Variants in PCDHGB4 observed in about 807,000 individuals in gnomAD.
The protein encoded by PCDHGB4 is protocadherin gamma-B4.
Under a neutral mutation model 60.5 loss-of-function variants are expected in PCDHGB4, and 38 were observed. The observed-to-expected ratio is 0.63, with a 90% CI of 0.48 to 0.82. The LOEUF is 0.82. PCDHGB4 is among the 40% of genes least tolerant of loss of function. The pLI, the probability that PCDHGB4 is intolerant of heterozygous loss-of-function variation, is 0.00. For synonymous variants in PCDHGB4, 456 were observed against 509.7 expected (o/e 0.89, Z 1.42); for missense variants, 1,109 against 1,209.6 (o/e 0.92, Z 1.23).
Position 141,487,193 on chromosome 5 carries a change from C to T in PCDHGB4, c.2398-7614C>T. 6.2e-7 allele frequency: 1 copy of T among 1,613,784 alleles called. No individual in the cohort carries two copies. Among genetic ancestry groups the T allele is most frequent in the Non-Finnish European group, 8.5e-7 (1 of 1,179,724 alleles). On this transcript the variant is annotated intron_variant, in intron 1 of 3. Transcript: ENST00000519479. The surrounding 1 kb of genome is among the most constrained non-coding windows in gnomAD (Gnocchi z 5.0). ...AGAGGAAGACACTCATCCAGTTGTC[C>T]CAGATCTTCGAGAATCTTCAGCTCC...
At chr5:141,423,800 T>A in intron 1 of PCDHGB4, 2 of 895,132 alleles carry the variant, frequency 2.2e-6, no homozygotes, top group Non-Finnish European at 2.9e-6. Flanking sequence ...TTTAGAGCAA[T>A]ACATGTGAGT....
At chr5:141,433,085 G>A in intron 1 of PCDHGB4, 1 of 1,614,170 alleles carries the variant, frequency 6.2e-7, no homozygotes, top group Non-Finnish European at 8.5e-7. Flanking sequence ...GCCCAACTAT[G>A]CAGACATGCT....
Position 141,512,171 on chromosome 5 carries a change from T to C in PCDHGB4, c.*998T>C, listed in dbSNP as rs140884268. ...GGGCTGAGCTAACAGGACCAATGGA[T>C]TAAACTGGCATTTCAGTCCAAGGAA... On this transcript the variant is annotated 3_prime_UTR_variant, in exon 4 of 4. Transcript: ENST00000519479. 584 of 152,796 alleles carry C rather than the reference T, an allele frequency of 3.8e-3. 5 individuals carry two copies. The highest frequency in any genetic ancestry group is 0.011 in the Admixed American group (167 of 15,298). The allele number at this position is 152,796 out of a possible 1,614,324, so 9.5% of individuals were successfully genotyped here. A position where few individuals can be genotyped will look rare whatever the true frequency, so the allele number is the denominator to read the frequency against.
chr5:141,394,196 C>T, intron 1 of PCDHGB4: 1 of 1,613,910 alleles, frequency 6.2e-7, no homozygotes, highest in Non-Finnish European at 8.5e-7. Flanking sequence ...CAGCGTATAT[C>T]CTAGAGAACA....
rs543209695 is a variant in PCDHGB4 at position 141,431,563 on chromosome 5, C to T, written c.2397+41282C>T. 24 of 1,614,026 alleles carry T rather than the reference C, an allele frequency of 1.5e-5. No individual in the cohort carries two copies. Among genetic ancestry groups the T allele is most frequent in the Non-Finnish European group, 1.9e-5 (23 of 1,180,046 alleles). ...AGCTGCTTGTAGTCAACGCTACCGA[C>T]CCTGACGAAGGAGTCAATGCGGAAG... On this transcript the variant is annotated intron_variant, in intron 1 of 3. Transcript: ENST00000519479. The surrounding 1 kb of genome is among the most constrained non-coding windows in gnomAD (Gnocchi z 4.8).
At chr5:141,417,700 A>G in intron 1 of PCDHGB4, 1 of 1,180,094 alleles carries the variant, frequency 8.5e-7, no homozygotes, top group Admixed American at 3.0e-5. Flanking sequence ...ACCAGCTCCC[A>G]CACAGAGGCT....
intron 1 of PCDHGB4, among the ~76,000 whole-genome samples, chr5:141,401,114 CG>C (rs566829189): frequency 5.5e-4 from 84 of 152,224 alleles, no homozygotes; most frequent in African/African-American, 2.0e-3. Context: ...GAGGCCGAGG[CG>C]GTTGGATCAC....
rs1206984031 is a variant in PCDHGB4 at position 141,390,260 on chromosome 5, C to T, written c.2376C>T (p.Ser792=). ...GGGCCTTATTTCCACTTTGTAATTC[C>T]AGTGAATTGACTTCCCATCAGGTGA... ...SSGALFPLCN[S]SELTSHQQAP... The change falls in exon 1 of 4, where the codon TCC becomes TCT. Residue 792 remains serine, a synonymous_variant. Transcript: ENST00000519479. The T allele has an allele frequency of 6.2e-7, 1 of 1,614,002 alleles. No homozygotes were observed. The highest frequency in any genetic ancestry group is 8.5e-7 in the Non-Finnish European group (1 of 1,179,886).
At chr5:141,392,819 C>A (rs1346235587) in intron 1 of PCDHGB4, 7 of 1,590,376 alleles carry the variant, frequency 4.4e-6, no homozygotes, top group Non-Finnish European at 6.0e-6. Context: ...CAACAATGGC[C>A]GCTCCACAGA....
chr5:141,498,967 GGGAGGGAAGGAAGGAA>G (rs1333462541), intron 2 of PCDHGB4, among the ~76,000 whole-genome samples: 8 of 129,672 alleles, frequency 6.2e-5, no homozygotes, highest in East Asian at 2.2e-4. Context: ...GAGGGAGGGA[GGGAGGGAAGGAAGGAA>G]GGAAGGAAGG....
chr5:141,450,568 C>A (rs2098685790), intron 1 of PCDHGB4, among the ~76,000 whole-genome samples: 1 of 152,002 alleles, frequency 6.6e-6, no homozygotes. Flanking sequence ...CTCACTGCAA[C>A]TTCTGCCTCC....
intron 1 of PCDHGB4, among the ~76,000 whole-genome samples, chr5:141,484,211 G>A (rs1362875959): frequency 6.6e-6 from 1 of 152,158 alleles, no homozygotes; most frequent in Non-Finnish European, 1.5e-5. Context: ...ATGAACATTA[G>A]CATTCTGCCA....
chr5:141,450,829 A>ATTT (rs373424450), intron 1 of PCDHGB4, among the ~76,000 whole-genome samples: 12,063 of 134,876 alleles, frequency 0.089, 619 homozygotes, highest in African/African-American at 0.14. Flanking sequence ...TATTATTATT[A>ATTT]TTTTTTTTTT....
intron 1 of PCDHGB4, chr5:141,424,576 C>CA (rs2096829154): frequency 6.6e-6 from 1 of 152,132 alleles, no homozygotes; most frequent in African/African-American, 2.4e-5. Context: ...AACCTATTTT[C>CA]AAATGTGCTA....
chr5:141,502,634 T>C (rs1306951640), intron 2 of PCDHGB4, among the ~76,000 whole-genome samples: 1 of 152,228 alleles, frequency 6.6e-6, no homozygotes. Flanking sequence ...CTGTGGATGA[T>C]ACTTTGAGAT....
chr5:141,418,424 G>A lies in PCDHGB4; in HGVS notation c.2397+28143G>A, dbSNP rs1427064246. Reference sequence around the variant, plus strand: ...GGTGGAGAAAGACAATCCTGATGGTGGCAAATATCCAGAATTAGTATTGCA... The same window carrying A: ...GGTGGAGAAAGACAATCCTGATGGTAGCAAATATCCAGAATTAGTATTGCA... On this transcript the variant is annotated intron_variant, in intron 1 of 3. Coordinates refer to ENST00000519479, the MANE Select transcript of PCDHGB4 (RefSeq NM_003736.4). 1 of 1,613,974 alleles carries A rather than the reference G, an allele frequency of 6.2e-7. No individual in the cohort carries two copies. Among genetic ancestry groups the A allele is most frequent in the Non-Finnish European group, 8.5e-7 (1 of 1,179,872 alleles).
At chr5:141,394,552 G>T (rs368792885) in intron 1 of PCDHGB4, 4 of 1,614,070 alleles carry the variant, frequency 2.5e-6, no homozygotes, top group East Asian at 4.5e-5. Flanking sequence ...CTGGCGCCCC[G>T]CTCCGCAGAG....
chr5:141,432,763 C>T lies in PCDHGB4; in HGVS notation c.2397+42482C>T. The T allele has an allele frequency of 6.2e-7, 1 of 1,614,152 alleles. No homozygotes were observed. The highest frequency in any genetic ancestry group is 8.5e-7 in the Non-Finnish European group (1 of 1,180,004). ...TCACCGTGGCCGTGGCCGACAGCAT[C>T]CCCCAAGTCCTGGCGGACCTCGGCA... On this transcript the variant is annotated intron_variant, in intron 1 of 3. Transcript: ENST00000519479. This position sits in a 1 kb window ranked among gnomAD's most constrained non-coding sequence, Gnocchi z 6.0.
In PCDHGB4 at chr5:141,413,494, G is replaced by A. The variant is rs778441176; in HGVS notation, c.2397+23213G>A. The A allele has an allele frequency of 2.5e-5, 41 of 1,613,924 alleles. No homozygotes were observed. Among genetic ancestry groups the A allele is most frequent in the Non-Finnish European group, 3.1e-5 (37 of 1,179,948 alleles). On this transcript the variant is annotated intron_variant, in intron 1 of 3. Transcript: ENST00000519479. Reference sequence around the variant, plus strand: ...GCTCTGCGCTCAGAGCGCGCGGTGCGTGGTGAGTTTTAATATCCTTGTGGA... The same window carrying A: ...GCTCTGCGCTCAGAGCGCGCGGTGCATGGTGAGTTTTAATATCCTTGTGGA...
Sources: allele counts gnomAD v4.1 joint callset (sites outside exome capture counted in the v4.1 genomes callset), GRCh38; gene constraint gnomAD v4.1.1; non-coding constraint Gnocchi (gnomAD v3.1); transcripts MANE v1.5; gene names NCBI Gene and HGNC (gene_info 2026-07-23, HGNC 2026-07-21).